Variants in MDGA2 observed in about 807,000 individuals in gnomAD.
MDGA2 encodes the protein MAM domain-containing glycosylphosphatidylinositol anchor protein 2.
A neutral mutation model predicts 117.8 loss-of-function variants in MDGA2; 40 were observed. The observed-to-expected ratio is 0.34, with a 90% CI of 0.26 to 0.44. The LOEUF is 0.44. Among genes scored for constraint, MDGA2 ranks in the 20% least tolerant of loss-of-function variants. The pLI is 1.00. For missense variants in MDGA2, 1,123 were observed against 1,250.6 expected (o/e 0.90, Z 1.54); for synonymous variants, 452 against 439.0 (o/e 1.03, Z -0.37).
At chr14:47,407,321 CA>C (rs1455097240) in intron 1 of MDGA2, among the ~76,000 whole-genome samples, 1 of 152,116 alleles carries the variant, frequency 6.6e-6, no homozygotes, top group Non-Finnish European at 1.5e-5. Context: ...TAATCATTTA[CA>C]AATTATTTAC....
intron 9 of MDGA2, among the ~76,000 whole-genome samples, chr14:46,943,069 A>G (rs887778931): frequency 6.6e-6 from 1 of 152,092 alleles, no homozygotes; most frequent in Non-Finnish European, 1.5e-5. Flanking sequence ...TTAAGGCTCT[A>G]TTAATAGATG....
intron 15 of MDGA2, among the ~76,000 whole-genome samples, chr14:46,849,006 C>T (rs922722318): frequency 1.3e-5 from 2 of 151,980 alleles, no homozygotes; most frequent in African/African-American, 2.4e-5. Context: ...TTTACACTTA[C>T]AATTATTGAT....
At chr14:47,633,973 T>A (rs1897281203) in intron 1 of MDGA2, among the ~76,000 whole-genome samples, 1 of 152,174 alleles carries the variant, frequency 6.6e-6, no homozygotes, top group Non-Finnish European at 1.5e-5. Flanking sequence ...AAAAATAGAC[T>A]GTCCTTTCCT....
At chr14:46,994,894 C>T (rs530423030) in intron 8 of MDGA2, among the ~76,000 whole-genome samples, 15 of 152,100 alleles carry the variant, frequency 9.9e-5, no homozygotes, top group African/African-American at 1.9e-4. Context: ...AAGGATAGCT[C>T]CTTTAATCAG....
intron 1 of MDGA2, among the ~76,000 whole-genome samples, chr14:47,494,198 C>T (rs1894231471): frequency 6.6e-6 from 1 of 152,144 alleles, no homozygotes; most frequent in Admixed American, 6.6e-5. Flanking sequence ...AACCTCTTTG[C>T]TTTATAAATT....
At chr14:46,850,194 C>G (rs1881003826) in intron 15 of MDGA2, among the ~76,000 whole-genome samples, 1 of 151,802 alleles carries the variant, frequency 6.6e-6, no homozygotes, top group South Asian at 2.1e-4. Context: ...AATTGTACCT[C>G]ACAAAATTGT....
chr14:47,104,917 T>A (rs1169223540), intron 5 of MDGA2, among the ~76,000 whole-genome samples: 1 of 152,058 alleles, frequency 6.6e-6, no homozygotes. Context: ...CACACTTCAA[T>A]CTCTCCCTTC....
chr14:47,543,855 C>T (rs1445777214), intron 1 of MDGA2, among the ~76,000 whole-genome samples: 1 of 152,160 alleles, frequency 6.6e-6, no homozygotes, highest in Non-Finnish European at 1.5e-5. Flanking sequence ...TAAAGAAGAG[C>T]AGGGGTCGGT....
chr14:47,242,787 G>A (rs1222087890), intron 2 of MDGA2, among the ~76,000 whole-genome samples: 1 of 151,866 alleles, frequency 6.6e-6, no homozygotes, highest in Non-Finnish European at 1.5e-5. Flanking sequence ...CCTGCTCCAG[G>A]GCACCGAGTC....
intron 8 of MDGA2, among the ~76,000 whole-genome samples, chr14:46,970,272 G>A (rs1886213106): frequency 6.6e-6 from 1 of 151,796 alleles, no homozygotes; most frequent in African/African-American, 2.4e-5. Context: ...AAAGTTAAAG[G>A]CATCATATTA....
chr14:47,121,708 G>C (rs1881660936), intron 5 of MDGA2, among the ~76,000 whole-genome samples: 1 of 152,016 alleles, frequency 6.6e-6, no homozygotes, highest in Non-Finnish European at 1.5e-5. Flanking sequence ...TCTGTAGTGA[G>C]GTATGAATCT....
rs1880567600 is a variant in MDGA2 at position 46,840,589 on chromosome 14, T to C, written c.*1342A>G. 6.6e-6 allele frequency: 1 copy of C among 152,526 alleles called. No homozygotes were observed. The highest frequency in any genetic ancestry group is 1.5e-5 in the Non-Finnish European group (1 of 67,984). The allele number at this position is 152,526 out of a possible 1,614,324, so 9.4% of individuals were successfully genotyped here. A position where few individuals can be genotyped will look rare whatever the true frequency, so the allele number is the denominator to read the frequency against. On this transcript the variant is annotated 3_prime_UTR_variant, in exon 17 of 17. Coordinates refer to ENST00000399232, the MANE Select transcript of MDGA2 (RefSeq NM_001113498.3). ...TTTCACAATTTGCACAGAGTCTGAC[T>C]AAAGGGCAGAGGCATATTACCCTCA...
chr14:47,291,094 A>G (rs903977506), intron 2 of MDGA2, among the ~76,000 whole-genome samples: 9 of 152,190 alleles, frequency 5.9e-5, no homozygotes, highest in African/African-American at 2.2e-4. Flanking sequence ...ATCTTTATCC[A>G]ACATCAAAGC....
intron 7 of MDGA2, among the ~76,000 whole-genome samples, chr14:47,046,591 A>C (rs1889274432): frequency 6.8e-6 from 1 of 147,514 alleles, no homozygotes; most frequent in Admixed American, 6.9e-5. Context: ...CCTAGAACTT[A>C]AAGTATAATA....
At chr14:47,471,307 A>G (rs188498314) in intron 1 of MDGA2, among the ~76,000 whole-genome samples, 1 of 151,292 alleles carries the variant, frequency 6.6e-6, no homozygotes, top group Admixed American at 6.6e-5. Flanking sequence ...ATTTTTGCAC[A>G]GTCTATGCTA....
intron 1 of MDGA2, among the ~76,000 whole-genome samples, chr14:47,568,951 GT>G (rs1310422407): frequency 1.3e-5 from 2 of 148,850 alleles, no homozygotes; most frequent in African/African-American, 2.5e-5. Context: ...TAAAATTAAT[GT>G]CTTTTTTTTT....
chr14:47,171,747 AT>A (rs1046399727), intron 3 of MDGA2, among the ~76,000 whole-genome samples: 1 of 152,176 alleles, frequency 6.6e-6, no homozygotes, highest in African/African-American at 2.4e-5. Flanking sequence ...CTGCATTTCC[AT>A]CTGAGGTATT....
At chr14:46,917,751 T>C (rs909974439) in intron 10 of MDGA2, among the ~76,000 whole-genome samples, 38 of 152,200 alleles carry the variant, frequency 2.5e-4, no homozygotes, top group African/African-American at 8.4e-4. Flanking sequence ...ATAAAAAATA[T>C]AAAAAATTGA....
intron 1 of MDGA2, among the ~76,000 whole-genome samples, chr14:47,590,406 T>A (rs1260123731): frequency 2.0e-5 from 3 of 151,762 alleles, no homozygotes; most frequent in African/African-American, 4.8e-5. Context: ...TTTGACAAAG[T>A]AAGACACATT....
Sources: gnomAD v4.1 joint callset for allele counts (sites outside exome capture counted in the v4.1 genomes callset) on GRCh38, gnomAD v4.1.1 for gene constraint, MANE v1.5 for transcripts, NCBI Gene and HGNC (gene_info 2026-07-23, HGNC 2026-07-21) for gene names.